The following TRIM31 variants were observed in gnomAD, a reference collection of about 807,000 sequenced individuals.
TRIM31 encodes E3 ubiquitin-protein ligase TRIM31.
TRIM31 carries 31 observed loss-of-function variants against 40.6 expected under a neutral mutation model. The ratio of observed to expected loss-of-function variants is 0.76; its 90% CI spans 0.57 to 1.03. TRIM31 has a LOEUF of 1.03. Among genes scored for constraint, TRIM31 ranks in the 50% least tolerant of loss-of-function variants. TRIM31 has a pLI of 0.00. For missense variants in TRIM31, 455 were observed against 497.5 expected, an observed-to-expected ratio of 0.91 and a Z score of 0.81; for synonymous variants, 164 against 193.9, an observed-to-expected ratio of 0.85 and a Z score of 1.28.
chr6:30,111,028 G>GTTTTTTTTTTT (rs1769253400), intron 3 of TRIM31, among the ~76,000 whole-genome samples: 10 of 107,496 alleles, frequency 9.3e-5, no homozygotes, highest in Non-Finnish European at 1.5e-4. Flanking sequence ...TTTTCCTTCT[G>GTTTTTTTTTTT]TCTTTTTTTT....
At chr6:30,112,930 A>T in intron 1 of TRIM31, 42 bp from the exon 2 acceptor site, 2 of 859,072 alleles carry the variant, frequency 2.3e-6, no homozygotes, top group Non-Finnish European at 3.4e-6. Context: ...GAGGTCAGAG[A>T]TTCTGCCAAT....
At chr6:30,107,799 GGGAA>G in intron 6 of TRIM31, 1 of 406,336 alleles carries the variant, frequency 2.5e-6, no homozygotes, top group Non-Finnish European at 4.5e-6. Context: ...TGTCCACATG[GGGAA>G]TAGGTCCAGG....
In TRIM31 at chr6:30,112,742, T is replaced by A. The variant is rs1449713748; in HGVS notation, c.64A>T (p.Ile22Phe). The change falls in exon 2 of 9, where the codon ATT becomes TTT. Residue 22 changes from isoleucine to phenylalanine, a missense_variant. Physicochemically the swap from Ile to Phe is conservative, Grantham distance 21. Transcript: ENST00000376734. ...EEVICPICLD[I>F]LQKPVTIDCG... is the part of the protein sequence containing the mutation. The stretch of plus-strand genomic sequence containing the variant: ...TCGATGGTGACAGGTTTCTGCAGAA[T>A]GTCCAGGCAGATGGGGCAGATCACT... 8 of 1,612,926 alleles carry A rather than the reference T, an allele frequency of 5.0e-6. No homozygotes were observed. The highest frequency in any genetic ancestry group is 1.3e-5 in the African/African-American group (1 of 74,922).
chr6:30,104,267 A>G lies in TRIM31; in HGVS notation c.959-100T>C, dbSNP rs1317241699. The G allele has an allele frequency of 6.5e-6, 8 of 1,239,248 alleles. No homozygotes were observed. In the African/African-American group the frequency reaches 9.0e-5, roughly 14 times the overall value. The allele number at this position is 1,239,248 out of a possible 1,614,324, so 76.8% of individuals were successfully genotyped here. A position where few individuals can be genotyped will look rare whatever the true frequency, so the allele number is the denominator to read the frequency against. On this transcript the variant is annotated intron_variant, in intron 7 of 8. Transcript: ENST00000376734. ...CTGCCATCATCAATCAGAACAGTCA[A>G]TGGTTCTCAGTGGGACCCATTCCCC...
In TRIM31 at chr6:30,112,691, A is replaced by G; in HGVS notation, c.115T>C (p.Cys39Arg). Reference sequence around the variant, plus strand: ...GATGTTTCCCCAATCTGAGTGATGCATTTGAGGCAGAAATTGTGCCCACAG... The same window carrying G: ...GATGTTTCCCCAATCTGAGTGATGCGTTTGAGGCAGAAATTGTGCCCACAG... Reference protein sequence around the residue: ...IDCGHNFCLKCITQIGETSCG... With the variant: ...IDCGHNFCLKRITQIGETSCG... Residue 39 changes from cysteine (C) to arginine (R), a missense_variant, in exon 2 of 9, where the codon TGC (cysteine) becomes CGC (arginine). Cys to Arg is a radical substitution (Grantham distance 180, BLOSUM62 -3). Coordinates refer to ENST00000376734, the MANE Select transcript of TRIM31 (RefSeq NM_007028.5). 1 of 1,613,148 alleles carries G rather than the reference A, an allele frequency of 6.2e-7. No homozygotes were observed.
chr6:30,104,417 A>C (rs529083225), intron 7 of TRIM31, among the ~76,000 whole-genome samples: 2 of 152,188 alleles, frequency 1.3e-5, no homozygotes, highest in African/African-American at 4.8e-5. Context: ...AAAGTCATGG[A>C]GCATAACAAA....
chr6:30,103,995 A>T, intron 8 of TRIM31, 107 bp downstream of exon 8: 1 of 1,413,962 alleles, frequency 7.1e-7, no homozygotes, highest in Admixed American at 1.9e-5. Context: ...GAATAAATGA[A>T]TTCATTCATT....
At chr6:30,107,124 TAAA>T (rs1768793086) in intron 6 of TRIM31, among the ~76,000 whole-genome samples, 1 of 132,200 alleles carries the variant, frequency 7.6e-6, no homozygotes, top group Non-Finnish European at 1.8e-5. Context: ...AATAAACAAA[TAAA>T]TAAAGTTGCT....
intron 3 of TRIM31, 85 bp from the exon 4 acceptor site, chr6:30,110,763 GT>G: frequency 1.5e-6 from 2 of 1,325,936 alleles, no homozygotes; most frequent in Non-Finnish European, 2.1e-6. Context: ...ATTTTATTAA[GT>G]TTGTGTGGAA....
At chr6:30,112,936 C>G in intron 1 of TRIM31, 48 bp from the exon 2 acceptor site, 1 of 794,454 alleles carries the variant, frequency 1.3e-6, no homozygotes, top group Non-Finnish European at 1.9e-6. Flanking sequence ...AGAGATTCTG[C>G]CAATTAGTTA....
intron 2 of TRIM31, 136 bp from the exon 3 acceptor site, chr6:30,111,879 A>G (rs566396148): frequency 1.3e-6 from 1 of 783,122 alleles, no homozygotes; most frequent in East Asian, 2.5e-5. Context: ...GCCTTTCTCA[A>G]GCTGGCGGGG....
Position 30,109,204 on chromosome 6 carries a change from G to A in TRIM31, c.745-156C>T, listed in dbSNP as rs114541239. 8.9e-3 allele frequency among the ~76,000 whole-genome samples: 1,355 copies of A among 152,160 alleles called. 24 individuals are homozygous for A. The highest frequency in any genetic ancestry group is 0.029 in the African/African-American group (1,203 of 41,502). On this transcript the variant is annotated intron_variant, in intron 4 of 8. Coordinates refer to ENST00000376734, the MANE Select transcript of TRIM31 (RefSeq NM_007028.5). ...CATCCTCCTCCCCTCTCCCCACCAC[G>A]AAGGGCTTCTCCAAGAAGCACTGCT...
Position 30,110,481 on chromosome 6 carries a change from G to C in TRIM31, c.711C>G (p.Thr237=), listed in dbSNP as rs1483015546. Residue 237 remains threonine, a synonymous_variant, in exon 4 of 9, where the codon ACC becomes ACG. Transcript: ENST00000376734. ...DLKKLVDSLK[T]KQNMPPRQLL... is the part of the protein sequence containing the mutation. The stretch of plus-strand genomic sequence containing the variant: ...GCTGCCTGGGTGGCATGTTCTGCTT[G>C]GTCTTCAGGGAATCAACGAGCTTCT... 1 of 1,614,020 alleles carries C rather than the reference G, an allele frequency of 6.2e-7. No homozygotes were observed. Among genetic ancestry groups the C allele is most frequent in the Non-Finnish European group, 8.5e-7 (1 of 1,180,038 alleles).
intron 7 of TRIM31, among the ~76,000 whole-genome samples, 181 bp from the exon 8 acceptor site, chr6:30,104,348 G>C (rs1476189124): frequency 6.6e-6 from 1 of 152,152 alleles, no homozygotes; most frequent in East Asian, 1.9e-4. Context: ...CAAGAGTGTG[G>C]TTCTCTACTG....
Position 30,112,726 on chromosome 6 carries a change from A to G in TRIM31, c.80T>C (p.Val27Ala), listed in dbSNP as rs766359621. ...PICLDILQKP[V>A]TIDCGHNFCL... The stretch of plus-strand genomic sequence containing the variant: ...GAAATTGTGCCCACAGTCGATGGTG[A>G]CAGGTTTCTGCAGAATGTCCAGGCA... Residue 27 changes from valine (V) to alanine (A), a missense_variant, in exon 2 of 9, where the codon GTC (valine) becomes GCC (alanine). By Grantham distance (64) the Val-to-Ala change is moderately conservative. Coordinates refer to ENST00000376734, the MANE Select transcript of TRIM31 (RefSeq NM_007028.5). 3 of 1,613,122 alleles carry G rather than the reference A, an allele frequency of 1.9e-6. No homozygotes were observed. Among genetic ancestry groups the G allele is most frequent in the Non-Finnish European group, 1.7e-6 (2 of 1,180,016 alleles).
Position 30,105,235 on chromosome 6 carries a change from G to C in TRIM31, c.891C>G (p.Leu297=). 6.2e-7 allele frequency: 1 copy of C among 1,612,724 alleles called. No homozygotes were observed. Among genetic ancestry groups the C allele is most frequent in the South Asian group, 1.1e-5 (1 of 91,030 alleles). ...TGSLKKFKDQ[L]QADRKKDENR... ...TTTCATCTTTTTTCCTATCAGCCTG[G>C]AGTTGGTCTGGGGAATAAAGAATGG... Residue 297 remains leucine (L), a synonymous_variant, in exon 7 of 9, where the codon CTC becomes CTG. Coordinates refer to ENST00000376734, the MANE Select transcript of TRIM31 (RefSeq NM_007028.5).
chr6:30,106,999 C>A (rs1204031005), intron 6 of TRIM31, among the ~76,000 whole-genome samples: 1 of 152,156 alleles, frequency 6.6e-6, no homozygotes, highest in East Asian at 1.9e-4. Context: ...ACTTGGGAAG[C>A]TGAGGCAGGA....
chr6:30,109,061 G>C lies in TRIM31; in HGVS notation c.745-13C>G, dbSNP rs759441648. On this transcript the variant is annotated splice_polypyrimidine_tract_variant and intron_variant, in intron 4 of 8. Transcript: ENST00000376734. ...CGACTTTGATATCCTAGAAGAGAAA[G>C]AGAAACAGCACAGCCTCAGCACTTG... The C allele has an allele frequency of 6.2e-7, 1 of 1,612,952 alleles. No homozygotes were observed. Among genetic ancestry groups the C allele is most frequent in the African/African-American group, 1.3e-5 (1 of 75,026 alleles).
Position 30,103,796 on chromosome 6 carries a change from G to C in TRIM31, c.1025-7C>G. On this transcript the variant is annotated splice_polypyrimidine_tract_variant and splice_region_variant and intron_variant, in intron 8 of 8. Coordinates refer to ENST00000376734, the MANE Select transcript of TRIM31 (RefSeq NM_007028.5). ...CCCGATGTAGTTCTGCCGCCTTTGC[G>C]GGAGAAGGAAAGGAGAAAAGAGGTC... The C allele has an allele frequency of 6.2e-7, 1 of 1,612,738 alleles. No individual in the cohort carries two copies. The highest frequency in any genetic ancestry group is 8.5e-7 in the Non-Finnish European group (1 of 1,179,922).
Sources: allele counts gnomAD v4.1 joint callset (sites outside exome capture counted in the v4.1 genomes callset), GRCh38; gene constraint gnomAD v4.1.1; transcripts MANE v1.5; gene names NCBI Gene and HGNC (gene_info 2026-07-23, HGNC 2026-07-21).